CSNK1G1: variants seen among roughly 807,000 people sequenced by gnomAD.
CSNK1G1 encodes the protein casein kinase I isoform gamma-1.
A neutral mutation model predicts 59.6 loss-of-function variants in CSNK1G1; 22 were observed. That is an observed-to-expected ratio of 0.37 (90% CI 0.26 to 0.53). The LOEUF (loss-of-function observed/expected upper bound fraction) is 0.53. Ranked by LOEUF, CSNK1G1 falls within the 20% of genes least tolerant of loss-of-function variation. The probability of loss-of-function intolerance (pLI) is 0.89; values close to 1 mark genes in which losing one functional copy is unlikely to be tolerated. For synonymous variants in CSNK1G1, 179 were observed against 177.1 expected (o/e 1.01, Z -0.08); for missense variants, 384 against 519.5 (o/e 0.74, Z 2.54).
At chr15:64,220,860 T>C (rs1046808771) in intron 4 of CSNK1G1, among the ~76,000 whole-genome samples, 24 of 152,060 alleles carry the variant, frequency 1.6e-4, no homozygotes, top group Non-Finnish European at 4.4e-5. Flanking sequence ...GGCCACTGAG[T>C]GTATAATTCT....
chr15:64,331,608 T>C (rs1269379326), intron 1 of CSNK1G1, among the ~76,000 whole-genome samples: 2 of 125,170 alleles, frequency 1.6e-5, no homozygotes, highest in African/African-American at 3.1e-5. Context: ...ATTCAGGACA[T>C]AGGCATGGGC....
intron 10 of CSNK1G1, among the ~76,000 whole-genome samples, chr15:64,201,735 TGTGTGTGTGTGTGTG>T (rs1567370237): frequency 2.0e-4 from 30 of 151,646 alleles, no homozygotes; most frequent in Admixed American, 7.2e-4. Context: ...TGTGTGTGTG[TGTGTGTGTGTGTGTG>T]TTTATATACT....
Position 64,172,004 on chromosome 15 carries a change from T to G in CSNK1G1, c.1215-19A>C, listed in dbSNP as rs758678862. Reference sequence around the variant, plus strand: ...GCAGCACCTGGAGCACAAGGAACATTGCAAGTCAGTGCGGGAGGCCTGCAG... The same window carrying G: ...GCAGCACCTGGAGCACAAGGAACATGGCAAGTCAGTGCGGGAGGCCTGCAG... On this transcript the variant is annotated intron_variant, in intron 11 of 11. Coordinates refer to ENST00000303052, the MANE Select transcript of CSNK1G1 (RefSeq NM_022048.5). The G allele has an allele frequency of 4.3e-6, 7 of 1,611,482 alleles. No homozygotes were observed. Among genetic ancestry groups the G allele is most frequent in the Non-Finnish European group, 5.1e-6 (6 of 1,178,084 alleles).
rs1244166793 is a variant in CSNK1G1, at chr15:64,165,740, G to T, written c.*6191C>A. 1.0e-5 allele frequency: 3 copies of T among 299,958 alleles called. No homozygotes were observed. 18.6% of individuals were successfully genotyped at this position (299,958 alleles called of 1,614,324 possible). On this transcript the variant is annotated 3_prime_UTR_variant, in exon 12 of 12. Transcript: ENST00000303052. ...CAACCAAACAAGCAGAAGTAGCCAA[G>T]AAAGGTAAGACATTTTATTTTACAT...
chr15:64,338,713 A>C (rs1371854647), intron 1 of CSNK1G1, among the ~76,000 whole-genome samples: 2 of 136,980 alleles, frequency 1.5e-5, no homozygotes, highest in Non-Finnish European at 3.2e-5. Context: ...AAAAAAAAAA[A>C]AAAAAAAAAA....
intron 2 of CSNK1G1, among the ~76,000 whole-genome samples, chr15:64,268,064 C>A (rs1893078796): frequency 6.6e-6 from 1 of 152,020 alleles, no homozygotes; most frequent in Non-Finnish European, 1.5e-5. Flanking sequence ...AGCATATTGA[C>A]AATAGCCAAG....
intron 2 of CSNK1G1, among the ~76,000 whole-genome samples, chr15:64,292,885 G>A (rs1389877418): frequency 1.3e-5 from 2 of 152,026 alleles, no homozygotes; most frequent in African/African-American, 2.4e-5. Context: ...CCAATATCGC[G>A]CCACTGCACT....
chr15:64,274,171 G>A lies in CSNK1G1; in HGVS notation c.182-14930C>T, dbSNP rs536910552. Among the ~76,000 whole-genome samples, 91 of 152,280 alleles carry A rather than the reference G, an allele frequency of 6.0e-4. 2 individuals carry two copies. The South Asian group carries it at 0.012, about 20-fold the overall frequency. On this transcript the variant is annotated intron_variant, in intron 2 of 11. Coordinates refer to ENST00000303052, the MANE Select transcript of CSNK1G1 (RefSeq NM_022048.5). ...ACCCTTTTTCTTAAGAGGCACTGGA[G>A]GTGACTTGATAAGTCTCCTGAGCTA...
intron 2 of CSNK1G1, among the ~76,000 whole-genome samples, chr15:64,260,009 T>G (rs1892608766): frequency 6.6e-6 from 1 of 152,172 alleles, no homozygotes; most frequent in Non-Finnish European, 1.5e-5. Context: ...ATTCACTTAC[T>G]GAACCTGTAA....
intron 11 of CSNK1G1, among the ~76,000 whole-genome samples, chr15:64,177,228 G>C (rs2081751471): frequency 1.3e-5 from 2 of 152,116 alleles, no homozygotes; most frequent in South Asian, 4.1e-4. Flanking sequence ...CCAGTACTGA[G>C]GTGTGTCTCA....
At chr15:64,208,762 C>T (rs1278108629) in intron 6 of CSNK1G1, among the ~76,000 whole-genome samples, 4 of 152,168 alleles carry the variant, frequency 2.6e-5, no homozygotes, top group Non-Finnish European at 4.4e-5. Context: ...TCTCAAACTC[C>T]TGGCCTCAAG....
chr15:64,218,122 AT>A (rs1459253529), intron 4 of CSNK1G1, among the ~76,000 whole-genome samples: 1 of 151,670 alleles, frequency 6.6e-6, no homozygotes. Flanking sequence ...TAAATTTTTG[AT>A]TTTTTATAGA....
At chr15:64,301,068 T>C (rs1895306806) in intron 1 of CSNK1G1, among the ~76,000 whole-genome samples, 1 of 152,158 alleles carries the variant, frequency 6.6e-6, no homozygotes, top group Non-Finnish European at 1.5e-5. Flanking sequence ...TTAAAGAAAC[T>C]GAGGATGATT....
chr15:64,204,658 T>G, intron 8 of CSNK1G1, 69 bp from the exon 9 acceptor site: 1 of 1,510,506 alleles, frequency 6.6e-7, no homozygotes, highest in South Asian at 1.2e-5. Flanking sequence ...TGGGGAAGCA[T>G]TGGGCCACAA....
chr15:64,214,393 T>C lies in CSNK1G1; in HGVS notation c.445-269A>G, dbSNP rs978403782. Among the ~76,000 whole-genome samples the C allele has an allele frequency of 1.3e-5, 2 of 152,192 alleles. No individual in the cohort carries two copies. The highest frequency in any genetic ancestry group is 4.8e-5 in the African/African-American group (2 of 41,446). On this transcript the variant is annotated intron_variant, in intron 5 of 11. Transcript: ENST00000303052. This position sits in a 1 kb window ranked among gnomAD's most constrained non-coding sequence, Gnocchi z 4.3. ...TCAATTTTACCTCATAATGTCACAATTTGCAAATGACAAATGAAATCAGTT... is the reference window on the plus strand; with the variant it reads ...TCAATTTTACCTCATAATGTCACAACTTGCAAATGACAAATGAAATCAGTT...
chr15:64,302,924 G>GGC (rs2140406878), intron 1 of CSNK1G1, among the ~76,000 whole-genome samples: 1 of 152,080 alleles, frequency 6.6e-6, no homozygotes, highest in South Asian at 2.1e-4. Flanking sequence ...CCAACAGATG[G>GGC]ATGTTATTTT....
chr15:64,341,206 C>CA lies in CSNK1G1; in HGVS notation c.-225+14781_-225+14782insT, dbSNP rs1226382878. 4.0e-4 allele frequency among the ~76,000 whole-genome samples: 7 copies of CA among 17,308 alleles called. 2 individuals carry two copies. Among genetic ancestry groups the CA allele is most frequent in the Non-Finnish European group, 1.9e-3 (4 of 2,068 alleles). The allele number at this position is 17,308 out of a possible 152,430, so 11.4% of individuals were successfully genotyped here. A position where few individuals can be genotyped will look rare whatever the true frequency, so the allele number is the denominator to read the frequency against. On this transcript the variant is annotated intron_variant, in intron 1 of 11. Coordinates refer to ENST00000303052, the MANE Select transcript of CSNK1G1 (RefSeq NM_022048.5). ...ATTTTTAGTAGAGACGGGGTTTCAC[C>CA]TTGTTAGCCAGGATGGTCTCAATCT...
At chr15:64,296,616 G>A (rs956827718) in intron 2 of CSNK1G1, among the ~76,000 whole-genome samples, 4 of 152,070 alleles carry the variant, frequency 2.6e-5, no homozygotes, top group African/African-American at 9.7e-5. Context: ...TGTAATCCTA[G>A]CACTTTGGGA....
Position 64,200,381 on chromosome 15 carries a change from T to C in CSNK1G1, c.1107+2701A>G, listed in dbSNP as rs2140242871. ...TCTTGTTGCCCAGGCTGGAGTGCAG[T>C]GGTGCCCAGGCTGGGGTGTAATGGT... On this transcript the variant is annotated intron_variant, in intron 10 of 11. Coordinates refer to ENST00000303052, the MANE Select transcript of CSNK1G1 (RefSeq NM_022048.5). The surrounding 1 kb of genome is among the most constrained non-coding windows in gnomAD (Gnocchi z 4.3). Among the ~76,000 whole-genome samples the C allele has an allele frequency of 6.6e-6, 1 of 152,300 alleles. No homozygotes were observed. Among genetic ancestry groups the C allele is most frequent in the South Asian group, 2.1e-4 (1 of 4,828 alleles).
Sources: allele counts gnomAD v4.1 joint callset (sites outside exome capture counted in the v4.1 genomes callset), GRCh38; gene constraint gnomAD v4.1.1; non-coding constraint Gnocchi (gnomAD v3.1); transcripts MANE v1.5; gene names NCBI Gene and HGNC (gene_info 2026-07-23, HGNC 2026-07-21).